The following MIGA1 variants were observed in gnomAD, a reference collection of about 807,000 sequenced individuals.
MIGA1 encodes mitoguardin 1.
In MIGA1, 58 loss-of-function variants were observed where a neutral mutation model predicts 82.0. The ratio of observed to expected loss-of-function variants is 0.71; its 90% CI spans 0.57 to 0.88. MIGA1 has a LOEUF of 0.88. Among genes scored for constraint, MIGA1 ranks in the 40% least tolerant of loss-of-function variants. The pLI is 0.00. For synonymous variants in MIGA1, 249 were observed against 253.6 expected (o/e 0.98, Z 0.17); for missense variants, 751 against 749.1 (o/e 1.00, Z -0.03).
chr1:77,801,591 G>A, intron 3 of MIGA1, 83 bp downstream of exon 3: 1 of 1,166,612 alleles, frequency 8.6e-7, no homozygotes, highest in Non-Finnish European at 1.2e-6. Context: ...TTAGTCTCCA[G>A]AATTTTCTTC....
At chr1:77,863,441 G>A (rs566118586) in intron 12 of MIGA1, among the ~76,000 whole-genome samples, 1 of 152,226 alleles carries the variant, frequency 6.6e-6, no homozygotes, top group African/African-American at 2.4e-5. Context: ...TTATTTTGTT[G>A]CTGTTTTCCC....
chr1:77,830,339 A>T (rs182527474), intron 7 of MIGA1, among the ~76,000 whole-genome samples: 19 of 152,120 alleles, frequency 1.2e-4, no homozygotes, highest in Middle Eastern at 3.4e-3. Flanking sequence ...TTACAGTTTC[A>T]TTGTCATTAT....
chr1:77,861,639 G>C, intron 12 of MIGA1: 1 of 265,124 alleles, frequency 3.8e-6, no homozygotes, highest in Non-Finnish European at 7.2e-6. Context: ...GGTGGCCCAT[G>C]CAAGGACAGC....
chr1:77,829,720 C>T (rs1055183744), intron 7 of MIGA1, among the ~76,000 whole-genome samples: 3 of 152,190 alleles, frequency 2.0e-5, no homozygotes, highest in African/African-American at 7.2e-5. Context: ...ATCCTCCCAT[C>T]TCGGCCTCCC....
chr1:77,874,884 T>G lies in MIGA1; in HGVS notation c.1719T>G (p.Phe573Leu), dbSNP rs762304055. The G allele has an allele frequency of 6.2e-7, 1 of 1,613,970 alleles. No homozygotes were observed. The highest frequency in any genetic ancestry group is 2.2e-5 in the East Asian group (1 of 44,884). Reference sequence around the variant, plus strand: ...TATTTCTCAAAGACATTTTTGACTTTGAGAAGGTGCGCTATTCAAGTACAG... The same window carrying G: ...TATTTCTCAAAGACATTTTTGACTTGGAGAAGGTGCGCTATTCAAGTACAG... The change falls in exon 16 of 16, where the codon TTT becomes TTG. Residue 573 changes from phenylalanine (F) to leucine (L), a missense_variant. Physicochemically the swap from Phe to Leu is conservative, Grantham distance 22. This residue lies in a region of MIGA1 where 265 missense variants were observed against 293.6 expected (regional missense o/e 0.90). Coordinates refer to ENST00000370791, the MANE Select transcript of MIGA1 (RefSeq NM_198549.4).
intron 7 of MIGA1, among the ~76,000 whole-genome samples, chr1:77,843,089 T>A (rs1210264723): frequency 6.6e-6 from 1 of 152,260 alleles, no homozygotes; most frequent in Non-Finnish European, 1.5e-5. Context: ...TAAGCTTAAT[T>A]CCTTTTTAAA....
At chr1:77,814,018 T>A in intron 6 of MIGA1, 151 bp downstream of exon 6, 1 of 731,912 alleles carries the variant, frequency 1.4e-6, no homozygotes, top group Non-Finnish European at 2.2e-6. Flanking sequence ...GTCCTCTGAG[T>A]AATTAGGACT....
rs1682264092 is a variant in MIGA1, at chr1:77,788,340, T to C, written c.195+4989T>C. Among the ~76,000 whole-genome samples, 3 of 152,174 alleles carry C rather than the reference T, an allele frequency of 2.0e-5. No individual in the cohort carries two copies. The South Asian group carries it at 6.2e-4, about 31-fold the overall frequency. On this transcript the variant is annotated intron_variant, in intron 2 of 15. Transcript: ENST00000370791. ...TTTTAGTAGAGACGGGGTTTCACTA[T>C]GTTGGCTAGGCTGGTCTCGAACTCC...
intron 7 of MIGA1, among the ~76,000 whole-genome samples, chr1:77,829,771 G>T (rs576834125): frequency 2.0e-5 from 3 of 151,904 alleles, no homozygotes; most frequent in Non-Finnish European, 4.4e-5. Context: ...GCGCCCGGCC[G>T]TAGAAGTTTT....
chr1:77,789,745 G>T (rs982786131), intron 2 of MIGA1, among the ~76,000 whole-genome samples: 1 of 151,448 alleles, frequency 6.6e-6, no homozygotes, highest in African/African-American at 2.4e-5. Flanking sequence ...TAAAACCCTC[G>T]TAATCCTTGC....
chr1:77,784,852 C>A (rs866998407), intron 2 of MIGA1, among the ~76,000 whole-genome samples: 10 of 152,210 alleles, frequency 6.6e-5, no homozygotes, highest in African/African-American at 2.4e-4. Context: ...TGGCGGCAGA[C>A]AAGAGCTTGT....
chr1:77,858,651 C>T (rs2101933324), intron 8 of MIGA1, among the ~76,000 whole-genome samples: 1 of 152,162 alleles, frequency 6.6e-6, no homozygotes, highest in East Asian at 1.9e-4. Flanking sequence ...GCAGGTCTGG[C>T]TTTGCCAGCT....
rs1557943312 is a variant in MIGA1 at position 77,875,482 on chromosome 1, A to C, written c.*418A>C. 1 of 160,002 alleles carries C rather than the reference A, an allele frequency of 6.2e-6. No homozygotes were observed. Among genetic ancestry groups the C allele is most frequent in the Non-Finnish European group, 1.4e-5 (1 of 72,878 alleles). The allele number at this position is 160,002 out of a possible 1,614,324, so 9.9% of individuals were successfully genotyped here. A position where few individuals can be genotyped will look rare whatever the true frequency, so the allele number is the denominator to read the frequency against. ...CAAGAATATATTACTTCTAATGTCA[A>C]TATATTTAACTTTGCCTAGAAACAT... On this transcript the variant is annotated 3_prime_UTR_variant, in exon 16 of 16. Coordinates refer to ENST00000370791, the MANE Select transcript of MIGA1 (RefSeq NM_198549.4).
intron 8 of MIGA1, among the ~76,000 whole-genome samples, chr1:77,857,726 G>GT (rs766194564): frequency 0.24 from 27,086 of 110,844 alleles, 3,965 homozygotes; most frequent in Non-Finnish European, 0.35. Flanking sequence ...CTGGGTTGTT[G>GT]TTTTTTTTTT....
intron 2 of MIGA1, among the ~76,000 whole-genome samples, chr1:77,794,175 C>T (rs1268867661): frequency 6.6e-6 from 1 of 152,176 alleles, no homozygotes; most frequent in Non-Finnish European, 1.5e-5. Flanking sequence ...GTATTAACAT[C>T]TTAATATTAA....
chr1:77,865,366 C>T (rs1315064239), intron 13 of MIGA1, among the ~76,000 whole-genome samples: 2 of 151,862 alleles, frequency 1.3e-5, no homozygotes, highest in African/African-American at 2.4e-5. Context: ...CGAAGCAGGC[C>T]GATTACTTGA....
intron 8 of MIGA1, chr1:77,848,108 C>A: frequency 7.6e-7 from 1 of 1,317,496 alleles, no homozygotes; most frequent in Non-Finnish European, 1.1e-6. Context: ...AGAAGCAATC[C>A]AGAGACGAGG....
At chr1:77,842,895 G>A (rs1684681174) in intron 7 of MIGA1, among the ~76,000 whole-genome samples, 1 of 152,172 alleles carries the variant, frequency 6.6e-6, no homozygotes, top group Admixed American at 6.5e-5. Context: ...GATATTTTAT[G>A]TTAATAATAT....
Position 77,815,178 on chromosome 1 carries a change from A to C in MIGA1, c.842A>C (p.Glu281Ala). The stretch of plus-strand genomic sequence containing the variant: ...CAAAGAGCCTATCGTCTCCAAGAGG[A>C]GTTTGAAGCTACCCTTGGGGCATCT... The change falls in exon 7 of 16, where the codon GAG becomes GCG. Residue 281 changes from glutamate to alanine, a missense_variant. Glu to Ala is a moderately radical substitution (Grantham distance 107, BLOSUM62 -1). Around this residue, in one of 3 missense-constraint regions of MIGA1, gnomAD observed 482 missense variants for 439.4 expected, o/e 1.10. Transcript: ENST00000370791. 1 of 1,610,306 alleles carries C rather than the reference A, an allele frequency of 6.2e-7. No homozygotes were observed. Among genetic ancestry groups the C allele is most frequent in the East Asian group, 2.2e-5 (1 of 44,798 alleles).
Sources: gnomAD v4.1 joint callset for allele counts (sites outside exome capture counted in the v4.1 genomes callset) on GRCh38, gnomAD v4.1.1 for gene constraint, gnomAD v4.1.1 regional missense constraint, MANE v1.5 for transcripts, NCBI Gene and HGNC (gene_info 2026-07-23, HGNC 2026-07-21) for gene names.